Variants in ST6GALNAC3 observed in about 807,000 individuals in gnomAD.
ST6GALNAC3 encodes the protein alpha-N-acetylgalactosaminide alpha-2,6-sialyltransferase 3.
ST6GALNAC3 carries 25 observed loss-of-function variants against 32.7 expected under a neutral mutation model. The ratio of observed to expected loss-of-function variants is 0.76; its 90% CI spans 0.56 to 1.07. The LOEUF is 1.07. Among genes scored for constraint, ST6GALNAC3 ranks in the 50% least tolerant of loss-of-function variants. The pLI, the probability that ST6GALNAC3 is intolerant of heterozygous loss-of-function variation, is 0.00. For synonymous variants in ST6GALNAC3, 129 were observed against 133.1 expected (o/e 0.97, Z 0.21); for missense variants, 355 against 382.4 (o/e 0.93, Z 0.60).
downstream of ST6GALNAC3, among the ~76,000 whole-genome samples, chr1:76,635,966 G>A (rs1649495118): frequency 6.6e-6 from 1 of 152,096 alleles, no homozygotes; most frequent in South Asian, 2.1e-4. Context: ...TTTCTGCCCT[G>A]ATATTCTTAG....
At chr1:76,241,874 C>T (rs902177089) in intron 1 of ST6GALNAC3, among the ~76,000 whole-genome samples, 1 of 152,100 alleles carries the variant, frequency 6.6e-6, no homozygotes, top group Non-Finnish European at 1.5e-5. Context: ...GTGTGTGACT[C>T]ACATTACATT....
At chr1:76,344,378 C>T (rs1015562251) in intron 2 of ST6GALNAC3, among the ~76,000 whole-genome samples, 2 of 152,158 alleles carry the variant, frequency 1.3e-5, no homozygotes, top group Non-Finnish European at 2.9e-5. Context: ...ATTTCCTGGT[C>T]CCCCACCCTC....
intron 3 of ST6GALNAC3, among the ~76,000 whole-genome samples, chr1:76,562,835 T>G (rs1665325266): frequency 6.6e-6 from 1 of 152,192 alleles, no homozygotes; most frequent in African/African-American, 2.4e-5. Context: ...AAGTTAGAAT[T>G]TTTGAAAATC....
chr1:76,175,655 A>G (rs1178599479), intron 1 of ST6GALNAC3, among the ~76,000 whole-genome samples: 1 of 152,170 alleles, frequency 6.6e-6, no homozygotes, highest in African/African-American at 2.4e-5. Flanking sequence ...AATAGGAGAA[A>G]CAAAGAAATC....
intron 1 of ST6GALNAC3, among the ~76,000 whole-genome samples, chr1:76,220,635 C>T (rs745829209): frequency 7.9e-5 from 12 of 152,070 alleles, no homozygotes; most frequent in South Asian, 4.1e-4. Context: ...TGGTGGAGGA[C>T]GCAATGACTT....
At position 76,576,861 on chromosome 1, in the gene ST6GALNAC3, C is replaced by A. The variant is rs765660180; in HGVS notation, c.624-50591C>A. 2.0e-5 allele frequency: 26 copies of A among 1,304,916 alleles called. No individual in the cohort carries two copies. The South Asian group carries it at 2.8e-4, about 14-fold the overall frequency. 80.8% of individuals were successfully genotyped at this position (1,304,916 alleles called of 1,614,324 possible). Reference sequence around the variant, plus strand: ...TGATATCCAGTACAGAGTGACCATGCAGTGTTGATTGATCGAACAGCAACC... The same window carrying A: ...TGATATCCAGTACAGAGTGACCATGAAGTGTTGATTGATCGAACAGCAACC... On this transcript the variant is annotated intron_variant, in intron 3 of 4. Coordinates refer to ENST00000328299, the MANE Select transcript of ST6GALNAC3 (RefSeq NM_152996.4).
At chr1:76,145,239 C>A (rs1291858326) in intron 1 of ST6GALNAC3, among the ~76,000 whole-genome samples, 1 of 152,124 alleles carries the variant, frequency 6.6e-6, no homozygotes, top group Admixed American at 6.6e-5. Flanking sequence ...GACCAAAGGA[C>A]AACAATGCTT....
intron 2 of ST6GALNAC3, among the ~76,000 whole-genome samples, chr1:76,322,085 G>T (rs957632262): frequency 6.6e-6 from 1 of 152,080 alleles, no homozygotes; most frequent in African/African-American, 2.4e-5. Context: ...CACTTGAAAG[G>T]GGCCTATTAG....
chr1:76,346,914 C>G (rs1648565526), intron 2 of ST6GALNAC3, among the ~76,000 whole-genome samples: 1 of 152,078 alleles, frequency 6.6e-6, no homozygotes, highest in Admixed American at 6.6e-5. Context: ...ATGACGTTTA[C>G]TTAGTATATA....
chr1:76,365,301 A>C (rs1057204304), intron 2 of ST6GALNAC3, among the ~76,000 whole-genome samples: 2 of 152,160 alleles, frequency 1.3e-5, no homozygotes, highest in Non-Finnish European at 2.9e-5. Flanking sequence ...ATAGAAGGAA[A>C]TAATAGACAC....
intron 1 of ST6GALNAC3, among the ~76,000 whole-genome samples, chr1:76,198,775 T>A (rs1490189891): frequency 1.3e-5 from 2 of 152,148 alleles, no homozygotes; most frequent in Admixed American, 6.5e-5. Flanking sequence ...TTGAGGTGCC[T>A]TGTGACAGCC....
Position 76,474,058 on chromosome 1 carries a change from A to G in ST6GALNAC3, c.623+61641A>G, listed in dbSNP as rs1347703278. Reference sequence around the variant, plus strand: ...AGGGTGAGACAGTGAGACAGCATCAACGAGTTCAATCACCCCAACAGAGAC... The same window carrying G: ...AGGGTGAGACAGTGAGACAGCATCAGCGAGTTCAATCACCCCAACAGAGAC... On this transcript the variant is annotated intron_variant, in intron 3 of 4. Transcript: ENST00000328299. Among the ~76,000 whole-genome samples, 6 of 152,174 alleles carry G rather than the reference A, an allele frequency of 3.9e-5. No homozygotes were observed. The East Asian group carries it at 1.2e-3, about 29-fold the overall frequency.
In ST6GALNAC3 at chr1:76,634,565, G is replaced by A. The variant is rs1044832666; in HGVS notation, c.*5759G>A. 1.3e-5 allele frequency: 2 copies of A among 151,908 alleles called. No homozygotes were observed. Among genetic ancestry groups the A allele is most frequent in the African/African-American group, 4.8e-5 (2 of 41,378 alleles). The allele number at this position is 151,908 out of a possible 1,614,324, so 9.4% of individuals were successfully genotyped here. A position where few individuals can be genotyped will look rare whatever the true frequency, so the allele number is the denominator to read the frequency against. On this transcript the variant is annotated 3_prime_UTR_variant, in exon 5 of 5. Coordinates refer to ENST00000328299, the MANE Select transcript of ST6GALNAC3 (RefSeq NM_152996.4). ...TGGCATTATAGTGCTTTATTTATAA[G>A]CATTGTGTCTTAGAATAAAGCTTAC...
At chr1:76,507,338 C>T (rs1661539488) in intron 3 of ST6GALNAC3, among the ~76,000 whole-genome samples, 1 of 152,010 alleles carries the variant, frequency 6.6e-6, no homozygotes, top group Non-Finnish European at 1.5e-5. Context: ...AATTCAATGG[C>T]TTTTAGTATA....
chr1:76,274,054 G>T (rs1659003068), intron 1 of ST6GALNAC3, among the ~76,000 whole-genome samples: 1 of 152,148 alleles, frequency 6.6e-6, no homozygotes, highest in Non-Finnish European at 1.5e-5. Context: ...TTCGAAGTCA[G>T]CATAGCTAAT....
chr1:76,377,546 G>A (rs1179033222), intron 2 of ST6GALNAC3, among the ~76,000 whole-genome samples: 4 of 152,050 alleles, frequency 2.6e-5, no homozygotes, highest in Non-Finnish European at 2.9e-5. Context: ...ACAGCAAGGG[G>A]GAAGTTTGCC....
chr1:76,327,965 A>T (rs76886323), intron 2 of ST6GALNAC3, among the ~76,000 whole-genome samples: 3,708 of 152,320 alleles, frequency 0.024, 162 homozygotes, highest in African/African-American at 0.085. Flanking sequence ...ATCACAATGT[A>T]TAATTCTTTT....
chr1:76,484,569 T>C (rs1433513783), intron 3 of ST6GALNAC3, among the ~76,000 whole-genome samples: 6 of 152,326 alleles, frequency 3.9e-5, no homozygotes, highest in Non-Finnish European at 7.3e-5. Context: ...TGCACATTGA[T>C]TTTGTATCCT....
chr1:76,546,141 T>C (rs1353281755), intron 3 of ST6GALNAC3, among the ~76,000 whole-genome samples: 1 of 152,152 alleles, frequency 6.6e-6, no homozygotes, highest in Non-Finnish European at 1.5e-5. Context: ...GTATTAAATG[T>C]TGAATTATGG....
Sources: allele counts gnomAD v4.1 joint callset (sites outside exome capture counted in the v4.1 genomes callset), GRCh38; gene constraint gnomAD v4.1.1; transcripts MANE v1.5; gene names NCBI Gene and HGNC (gene_info 2026-07-23, HGNC 2026-07-21).